The following F8 variants were observed in gnomAD, a reference collection of about 807,000 sequenced individuals.
F8 encodes the protein coagulation factor VIII.
F8 carries 12 observed loss-of-function variants against 140.6 expected under a neutral mutation model. The observed-to-expected ratio is 0.09, with a 90% CI of 0.05 to 0.14. The LOEUF is 0.14. Ranked by LOEUF, F8 falls within the 10% of genes least tolerant of loss-of-function variation. The probability of loss-of-function intolerance (pLI) is 1.00; values close to 1 mark genes in which losing one functional copy is unlikely to be tolerated. For missense variants in F8, 1,354 were observed against 1,720.7 expected, an observed-to-expected ratio of 0.79 and a Z score of 3.77; for synonymous variants, 585 against 614.6, an observed-to-expected ratio of 0.95 and a Z score of 0.71.
intron 21 of F8, among the ~76,000 whole-genome samples, chrX:154,897,250 G>A (rs1349849511): frequency 8.9e-6 from 1 of 112,414 alleles, no homozygotes; most frequent in Non-Finnish European, 1.9e-5. Flanking sequence ...AATTTAGCAC[G>A]TTTTCACACA....
intron 22 of F8, among the ~76,000 whole-genome samples, chrX:154,875,830 T>C (rs1345990757): frequency 9.2e-6 from 1 of 109,208 alleles, no homozygotes; most frequent in Non-Finnish European, 1.9e-5. Context: ...CTGTATGAAT[T>C]AATGAGACAC....
intron 7 of F8, among the ~76,000 whole-genome samples, chrX:154,968,106 C>T (rs1187615572): frequency 9.0e-6 from 1 of 111,442 alleles, no homozygotes; most frequent in Non-Finnish European, 1.9e-5. Flanking sequence ...AATGTCTGTC[C>T]CCTCCGAAAC....
chrX:154,850,436 T>A (rs1450431133), intron 25 of F8, among the ~76,000 whole-genome samples: 2 of 107,956 alleles, frequency 1.9e-5, no homozygotes, highest in Non-Finnish European at 3.8e-5. Context: ...CCAGCAGGCT[T>A]GGTTCTTTTT....
In F8 at chrX:154,948,720, T is replaced by C. The variant is rs1481359649; in HGVS notation, c.1904-813A>G. On this transcript the variant is annotated intron_variant, in intron 12 of 25. Transcript: ENST00000360256. ...CTGAAAGCCTCTTCCACACATCCATTCATCCATCCATTCAATAAACACTTG... is the reference window on the plus strand; with the variant it reads ...CTGAAAGCCTCTTCCACACATCCATCCATCCATCCATTCAATAAACACTTG... Among the ~76,000 whole-genome samples the C allele has an allele frequency of 2.7e-5, 3 of 112,064 alleles. No individual in the cohort carries two copies. In the Admixed American group the frequency reaches 2.8e-4, roughly 11 times the overall value.
At chrX:154,842,572 C>A (rs192147509) in intron 25 of F8, among the ~76,000 whole-genome samples, 4 of 111,805 alleles carry the variant, frequency 3.6e-5, no homozygotes, top group Non-Finnish European at 7.5e-5. Context: ...TTTATGATTT[C>A]TTATTTGACA....
chrX:154,981,674 T>C (rs782191380), intron 6 of F8, among the ~76,000 whole-genome samples: 1 of 111,513 alleles, frequency 9.0e-6, no homozygotes, highest in South Asian at 3.8e-4. Flanking sequence ...ATCATTTTTC[T>C]ATCATTTCTT....
rs1557282369 is a variant in F8 at position 154,969,479 on chromosome X, T to C, written c.861A>G (p.Ser287=). 3 of 1,209,536 alleles carry C rather than the reference T, an allele frequency of 2.5e-6. No homozygotes were observed. In the African/African-American group the frequency reaches 5.3e-5, roughly 21 times the overall value. The change falls in exon 7 of 26, where the codon TCA becomes TCG. Residue 287 remains serine (S), a synonymous_variant. Coordinates refer to ENST00000360256, the MANE Select transcript of F8 (RefSeq NM_000132.4). ...GAAATGTGTGACCTTCGAGGAATAT[T>C]GAGTGCACTTCAGGAGTGGTGCCCA... The part of the protein sequence containing the change: ...IGMGTTPEVH[S]IFLEGHTFLV...
At chrX:154,949,989 T>C (rs1557280612) in intron 12 of F8, among the ~76,000 whole-genome samples, 2 of 111,371 alleles carry the variant, frequency 1.8e-5, no homozygotes, top group Non-Finnish European at 3.8e-5. Flanking sequence ...ATGGTCTCGA[T>C]CTCTTGACCT....
At chrX:155,016,614 C>T (rs2073735582) in intron 1 of F8, among the ~76,000 whole-genome samples, 1 of 112,347 alleles carries the variant, frequency 8.9e-6, no homozygotes. Context: ...CATGAATTTC[C>T]AAATCATGAT....
At chrX:154,868,651 C>A (rs948903139) in intron 22 of F8, among the ~76,000 whole-genome samples, 2 of 111,596 alleles carry the variant, frequency 1.8e-5, no homozygotes, top group African/African-American at 6.5e-5. Context: ...ATGGGCAAAA[C>A]AACCAGCTAG....
chrX:154,971,695 C>T (rs1208439113), intron 6 of F8, among the ~76,000 whole-genome samples: 1 of 111,509 alleles, frequency 9.0e-6, no homozygotes, highest in African/African-American at 3.3e-5. Context: ...CCACTTCCCC[C>T]TTATCTTCCT....
rs200114987 is a variant in F8 at position 154,861,773 on chromosome X, G to A, written c.6668C>T (p.Ser2223Phe). 8.3e-7 allele frequency: 1 copy of A among 1,211,639 alleles called. No individual in the cohort carries two copies. The highest frequency in any genetic ancestry group is 1.1e-6 in the Non-Finnish European group (1 of 895,344). Residue 2223 changes from serine (S) to phenylalanine (F), a missense_variant, in exon 24 of 26, where the codon TCT (serine) becomes TTT (phenylalanine). By Grantham distance (155) the Ser-to-Phe change is radical. Around this residue, in one of 4 missense-constraint regions of F8, gnomAD observed 316 missense variants for 485.4 expected, o/e 0.65. Transcript: ENST00000360256. ...GAGGTGAAGTCGAGCTTTTGAAGGAGACCAGGTGGCAAACATATTGGTAAA... is the reference window on the plus strand; with the variant it reads ...GAGGTGAAGTCGAGCTTTTGAAGGAAACCAGGTGGCAAACATATTGGTAAA... ...SYFTNMFATW[S>F]PSKARLHLQG...
intron 25 of F8, among the ~76,000 whole-genome samples, chrX:154,848,783 C>T (rs933795831): frequency 1.2e-4 from 13 of 111,038 alleles, no homozygotes; most frequent in Non-Finnish European, 2.5e-4. Context: ...CGGTGGGCTG[C>T]ACCCACTGTC....
intron 22 of F8, among the ~76,000 whole-genome samples, chrX:154,875,446 C>A (rs2072803881): frequency 8.9e-6 from 1 of 111,868 alleles, no homozygotes; most frequent in African/African-American, 3.2e-5. Flanking sequence ...CACAATGTAT[C>A]AAACATCATA....
At position 154,958,915 on chromosome X, in the gene F8, G is replaced by A. The variant is rs782622525; in HGVS notation, c.1538-1744C>T. Among the ~76,000 whole-genome samples the A allele has an allele frequency of 4.5e-5, 5 of 111,360 alleles. No homozygotes were observed. In the South Asian group the frequency reaches 1.5e-3, roughly 34 times the overall value. On this transcript the variant is annotated intron_variant, in intron 10 of 25. Coordinates refer to ENST00000360256, the MANE Select transcript of F8 (RefSeq NM_000132.4). Reference sequence around the variant, plus strand: ...ACAGGCGTGAGCCACCGCACCCAGCGGGAAAATTTTTATAACCAGTCTGTC... The same window carrying A: ...ACAGGCGTGAGCCACCGCACCCAGCAGGAAAATTTTTATAACCAGTCTGTC...
Position 154,836,292 on chromosome X carries a change from T to C in F8, c.*1305A>G, listed in dbSNP as rs782733383. ...TTGGATGCTTCCTCCAACTGCTCTATAACTTATCCTTGTCTCCAGCCCCCT... is the reference window on the plus strand; with the variant it reads ...TTGGATGCTTCCTCCAACTGCTCTACAACTTATCCTTGTCTCCAGCCCCCT... On this transcript the variant is annotated 3_prime_UTR_variant, in exon 26 of 26. Coordinates refer to ENST00000360256, the MANE Select transcript of F8 (RefSeq NM_000132.4). 2 of 111,535 alleles carry C rather than the reference T, an allele frequency of 1.8e-5. No homozygotes were observed. Among genetic ancestry groups the C allele is most frequent in the Non-Finnish European group, 3.8e-5 (2 of 53,110 alleles). 9.2% of individuals were successfully genotyped at this position (111,535 alleles called of 1,213,427 possible).
At chrX:155,020,441 G>A (rs920297322) in intron 1 of F8, among the ~76,000 whole-genome samples, 2 of 112,093 alleles carry the variant, frequency 1.8e-5, no homozygotes, top group Non-Finnish European at 3.8e-5. Flanking sequence ...GAGATTACAC[G>A]TACAATCTTG....
chrX:154,904,159 A>C lies in F8; in HGVS notation c.5816-71T>G. The C allele has an allele frequency of 6.1e-6, 7 of 1,143,900 alleles. No individual in the cohort carries two copies. In the South Asian group the frequency reaches 1.3e-4, roughly 21 times the overall value. 94.3% of individuals were successfully genotyped at this position (1,143,900 alleles called of 1,213,427 possible). A position where few individuals can be genotyped will look rare whatever the true frequency, so the allele number is the denominator to read the frequency against. ...TTCTTTCTCTCCACTCCACCAAAAA[A>C]ACTGACATCTATGAGGATTCCACTC... On this transcript the variant is annotated intron_variant, in intron 17 of 25. Coordinates refer to ENST00000360256, the MANE Select transcript of F8 (RefSeq NM_000132.4).
chrX:154,990,931 G>A (rs2073584310), intron 4 of F8, among the ~76,000 whole-genome samples: 1 of 111,900 alleles, frequency 8.9e-6, no homozygotes, highest in African/African-American at 3.3e-5. Context: ...AGTTCTGTGA[G>A]CTCCCTTTTT....
Sources: allele counts gnomAD v4.1 joint callset (sites outside exome capture counted in the v4.1 genomes callset), GRCh38; gene constraint gnomAD v4.1.1; regional missense constraint gnomAD v4.1.1; transcripts MANE v1.5; gene names NCBI Gene and HGNC (gene_info 2026-07-23, HGNC 2026-07-21).